The following ZNF714 variants were observed in gnomAD, a reference collection of about 807,000 sequenced individuals.
The protein encoded by ZNF714 is zinc finger protein 714.
In ZNF714, 32 loss-of-function variants were observed where a neutral mutation model predicts 46.2. That is an observed-to-expected ratio of 0.69 (90% confidence interval 0.52 to 0.93). ZNF714 has a LOEUF of 0.93. ZNF714 is among the 40% of genes least tolerant of loss of function. The probability of loss-of-function intolerance (pLI) is 0.00; values close to 1 mark genes in which losing one functional copy is unlikely to be tolerated. For synonymous variants in ZNF714, 199 were observed against 213.1 expected (o/e 0.93, Z 0.58); for missense variants, 635 against 646.3 (o/e 0.98, Z 0.19).
chr19:21,082,801 C>T (rs1009442659), intron 1 of ZNF714, among the ~76,000 whole-genome samples: 3 of 152,112 alleles, frequency 2.0e-5, no homozygotes, highest in African/African-American at 7.2e-5. Context: ...GAGCACCCAG[C>T]TGTGGTTTGT....
chr19:21,089,039 T>A (rs1036658466), intron 2 of ZNF714, among the ~76,000 whole-genome samples: 2 of 152,174 alleles, frequency 1.3e-5, no homozygotes, highest in African/African-American at 4.8e-5. Context: ...CCTTAGCCAT[T>A]CCAAAAGTAT....
intron 1 of ZNF714, among the ~76,000 whole-genome samples, chr19:21,083,520 GAT>G (rs755394431): frequency 1.2e-4 from 18 of 152,152 alleles, no homozygotes; most frequent in Non-Finnish European, 2.4e-4. Flanking sequence ...CTTGCAGTAA[GAT>G]ATTAAATTTC....
chr19:21,101,439 G>C (rs562100449), intron 4 of ZNF714, among the ~76,000 whole-genome samples: 1 of 152,298 alleles, frequency 6.6e-6, no homozygotes, highest in East Asian at 1.9e-4. Flanking sequence ...TTTTTGGACA[G>C]ATTATTCTTT....
At chr19:21,103,844 T>C (rs2144853276) in intron 4 of ZNF714, among the ~76,000 whole-genome samples, 1 of 152,064 alleles carries the variant, frequency 6.6e-6, no homozygotes, top group East Asian at 1.9e-4. Flanking sequence ...AAGTGAGGCA[T>C]AATTTTGCCA....
At chr19:21,092,621 C>T (rs568110880) in intron 2 of ZNF714, among the ~76,000 whole-genome samples, 1 of 152,030 alleles carries the variant, frequency 6.6e-6, no homozygotes, top group Non-Finnish European at 1.5e-5. Context: ...GATCCATGTG[C>T]AGCTTTGTTA....
chr19:21,085,552 C>G (rs552747649), intron 2 of ZNF714, among the ~76,000 whole-genome samples: 1 of 152,368 alleles, frequency 6.6e-6, no homozygotes, highest in South Asian at 2.1e-4. Flanking sequence ...CACGTAGTTT[C>G]AAAAACCAAG....
At chr19:21,105,593 A>G (rs1052136806) in intron 4 of ZNF714, among the ~76,000 whole-genome samples, 2 of 152,036 alleles carry the variant, frequency 1.3e-5, no homozygotes, top group African/African-American at 4.8e-5. Context: ...TTTTTTTTCT[A>G]AGAGATTCGC....
intron 2 of ZNF714, among the ~76,000 whole-genome samples, chr19:21,094,125 G>T (rs1176903877): frequency 6.6e-6 from 1 of 152,046 alleles, no homozygotes; most frequent in African/African-American, 2.4e-5. Flanking sequence ...TATGTAGCTG[G>T]GACTACAGGC....
chr19:21,096,203 A>G (rs1445060810), intron 2 of ZNF714, among the ~76,000 whole-genome samples: 16 of 152,118 alleles, frequency 1.1e-4, no homozygotes. Context: ...CCGTGGAGCA[A>G]CTCATTGTTC....
At chr19:21,101,812 A>G (rs1969187555) in intron 4 of ZNF714, among the ~76,000 whole-genome samples, 1 of 152,198 alleles carries the variant, frequency 6.6e-6, no homozygotes, top group Non-Finnish European at 1.5e-5. Flanking sequence ...CTGTTGGACC[A>G]AGTTGCGTGG....
Position 21,121,270 on chromosome 19 carries a change from A to T in ZNF714, c.*2938A>T, listed in dbSNP as rs1969700452. Reference sequence around the variant, plus strand: ...ATGGTCTCAATCTCCTGACCTCGTGATCTGGTCTCGATCTCCTGACCTCAT... The same window carrying T: ...ATGGTCTCAATCTCCTGACCTCGTGTTCTGGTCTCGATCTCCTGACCTCAT... On this transcript the variant is annotated 3_prime_UTR_variant, in exon 5 of 5. Transcript: ENST00000456283. The T allele has an allele frequency of 6.6e-6, 1 of 151,892 alleles. No homozygotes were observed. 9.4% of individuals were successfully genotyped at this position (151,892 alleles called of 1,614,324 possible).
Position 21,117,820 on chromosome 19 carries a change from A to G in ZNF714, c.1156A>G (p.Ile386Val), listed in dbSNP as rs201748296. The G allele has an allele frequency of 7.9e-4, 1,266 of 1,612,438 alleles. 6 individuals carry two copies. The African/African-American group carries it at 0.014, about 18-fold the overall frequency. The change falls in exon 5 of 5, where the codon ATA becomes GTA. Residue 386 changes from isoleucine to valine, a missense_variant. Coordinates refer to ENST00000456283, the MANE Select transcript of ZNF714 (RefSeq NM_182515.4). The stretch of plus-strand genomic sequence containing the variant: ...CTTTAACCACTCCTCAAAACTTACT[A>G]TACATAAGATAATTCATACTGGAGA... Reference protein sequence around the residue: ...KAFNHSSKLTIHKIIHTGEKP... With the variant: ...KAFNHSSKLTVHKIIHTGEKP...
chr19:21,107,440 T>C (rs1031736807), intron 4 of ZNF714, among the ~76,000 whole-genome samples: 5 of 152,180 alleles, frequency 3.3e-5, no homozygotes, highest in African/African-American at 1.2e-4. Context: ...GGTTTCTCCA[T>C]GTAGGTCAGG....
At chr19:21,086,734 C>G (rs1021898013) in intron 2 of ZNF714, among the ~76,000 whole-genome samples, 1 of 152,176 alleles carries the variant, frequency 6.6e-6, no homozygotes, top group Non-Finnish European at 1.5e-5. Flanking sequence ...AGTCTCAGCC[C>G]TATTTTATCC....
chr19:21,117,835 C>T lies in ZNF714; in HGVS notation c.1171C>T (p.His391Tyr), dbSNP rs190621199. 1 of 1,612,266 alleles carries T rather than the reference C, an allele frequency of 6.2e-7. No individual in the cohort carries two copies. The highest frequency in any genetic ancestry group is 1.3e-5 in the African/African-American group (1 of 74,984). ...SSKLTIHKII[H>Y]TGEKPYKCEE... ...AAAACTTACTATACATAAGATAATT[C>T]ATACTGGAGAGAAACCTTACAAATG... Residue 391 changes from histidine (H) to tyrosine (Y), a missense_variant, in exon 5 of 5, where the codon CAT becomes TAT. Transcript: ENST00000456283.
intron 4 of ZNF714, among the ~76,000 whole-genome samples, chr19:21,105,619 T>C (rs1969292337): frequency 1.3e-5 from 2 of 152,192 alleles, no homozygotes; most frequent in African/African-American, 4.8e-5. Flanking sequence ...TTTTGTTTTT[T>C]TGTTTTTCTG....
At chr19:21,104,765 A>G (rs565651683) in intron 4 of ZNF714, among the ~76,000 whole-genome samples, 16 of 151,564 alleles carry the variant, frequency 1.1e-4, no homozygotes, top group African/African-American at 3.9e-4. Flanking sequence ...GGTACCTGCC[A>G]TCATGCCTGG....
Position 21,119,307 on chromosome 19 carries a change from CAGG to C in ZNF714, c.*978_*980del, listed in dbSNP as rs1264081921. ...ATCCCAGCTACTCAAGAGGCTGAGG[CAGG>C]AGAATCACTTGAACTTGGGGAGGGA... is the stretch of plus-strand genomic sequence containing the variant. On this transcript the variant is annotated 3_prime_UTR_variant, in exon 5 of 5. Transcript: ENST00000456283. 1 of 278,834 alleles carries C rather than the reference CAGG, an allele frequency of 3.6e-6. No homozygotes were observed. The highest frequency in any genetic ancestry group is 7.2e-6 in the Non-Finnish European group (1 of 139,852). 17.3% of individuals were successfully genotyped at this position (278,834 alleles called of 1,614,324 possible).
At chr19:21,115,018 T>C (rs75608582) in intron 4 of ZNF714, among the ~76,000 whole-genome samples, 11,553 of 152,188 alleles carry the variant, frequency 0.076, 506 homozygotes, top group Non-Finnish European at 0.086. Flanking sequence ...TGCTTTTACT[T>C]CTTTCTTATT....
Sources: allele counts gnomAD v4.1 joint callset (sites outside exome capture counted in the v4.1 genomes callset), GRCh38; gene constraint gnomAD v4.1.1; transcripts MANE v1.5; gene names NCBI Gene and HGNC (gene_info 2026-07-23, HGNC 2026-07-21).